Variants in MBNL1 observed in about 807,000 individuals in gnomAD.
MBNL1 encodes the protein muscleblind-like protein 1.
MBNL1 carries 8 observed loss-of-function variants against 42.2 expected under a neutral mutation model. The observed-to-expected ratio is 0.19, with a 90% CI of 0.11 to 0.34. The LOEUF (loss-of-function observed/expected upper bound fraction) is 0.34. MBNL1 is among the 10% of genes least tolerant of loss of function. MBNL1 has a pLI of 1.00. For missense variants in MBNL1, 309 were observed against 495.3 expected (o/e 0.62, Z 3.57); for synonymous variants, 169 against 173.9 (o/e 0.97, Z 0.22).
upstream of MBNL1, chr3:152,263,982 T>C (rs916689602): frequency 1.3e-5 from 2 of 152,206 alleles, no homozygotes; most frequent in Admixed American, 6.5e-5. Flanking sequence ...GAATGCTCTT[T>C]CCCCAGTTAT....
At chr3:152,259,568 C>G (rs1403599999) in intron 2 of MBNL1, among the ~76,000 whole-genome samples, 1 of 152,212 alleles carries the variant, frequency 6.6e-6, no homozygotes, top group Non-Finnish European at 1.5e-5. Flanking sequence ...CTAGCTTTGT[C>G]TGTAGATATC....
At chr3:152,263,370 C>T (rs2288295), upstream of MBNL1, 86,334 of 152,050 alleles carry the variant, frequency 0.57, 25,828 homozygotes, top group South Asian at 0.66. Context: ...GAATTTTCTA[C>T]ATTGTGTTGA....
intron 2 of MBNL1, among the ~76,000 whole-genome samples, chr3:152,368,313 A>G (rs558802041): frequency 1.3e-5 from 2 of 152,194 alleles, no homozygotes; most frequent in Middle Eastern, 6.8e-3. Context: ...CAAAGATGAG[A>G]TAGTTGTAGA....
chr3:152,447,485 T>A (rs1312321640), intron 5 of MBNL1, 135 bp from the exon 6 acceptor site: 2 of 522,550 alleles, frequency 3.8e-6, no homozygotes, highest in Non-Finnish European at 3.4e-6. Context: ...TTCATTGGAT[T>A]TTTTCCCTCG....
In MBNL1 at chr3:152,312,989, T is replaced by C. The variant is rs367722550; in HGVS notation, c.174+12622T>C. ...CATCAAACTAGGATCTTCAGAATAA[T>C]TGCAAAAAGCCACATGAAAAAATGT... On this transcript the variant is annotated intron_variant, in intron 2 of 9. Transcript: ENST00000324210. Among the ~76,000 whole-genome samples the C allele has an allele frequency of 2.9e-4, 44 of 152,246 alleles. No homozygotes were observed. In the East Asian group the frequency reaches 8.1e-3, roughly 28 times the overall value.
chr3:152,457,655 AT>A (rs1244872366), intron 8 of MBNL1: 3 of 154,104 alleles, frequency 1.9e-5, no homozygotes, highest in African/African-American at 7.2e-5. Flanking sequence ...ATTTACAAGA[AT>A]GCTAGATTGT....
intron 2 of MBNL1, among the ~76,000 whole-genome samples, chr3:152,305,329 GCTTAT>G (rs1311691499): frequency 6.6e-6 from 1 of 152,098 alleles, no homozygotes; most frequent in African/African-American, 2.4e-5. Flanking sequence ...AGTTTGGGAA[GCTTAT>G]CTTGTCATTT....
intron 2 of MBNL1, among the ~76,000 whole-genome samples, chr3:152,408,814 G>A (rs1200046151): frequency 6.6e-6 from 1 of 152,058 alleles, no homozygotes; most frequent in Non-Finnish European, 1.5e-5. Flanking sequence ...TGGTTTATCA[G>A]AACTGAGGGT....
intron 2 of MBNL1, among the ~76,000 whole-genome samples, chr3:152,376,765 A>ACT (rs72323969): frequency 2.6e-5 from 4 of 151,326 alleles, no homozygotes; most frequent in Non-Finnish European, 5.9e-5. Flanking sequence ...GGTGCCACGC[A>ACT]CTCTCTCTAT....
chr3:152,391,596 T>C (rs1169672847), intron 2 of MBNL1, among the ~76,000 whole-genome samples: 1 of 152,194 alleles, frequency 6.6e-6, no homozygotes, highest in African/African-American at 2.4e-5. Flanking sequence ...CTGACAGTGT[T>C]GGGGGCTTAA....
At chr3:152,322,346 T>C (rs956516302) in intron 2 of MBNL1, among the ~76,000 whole-genome samples, 1 of 151,964 alleles carries the variant, frequency 6.6e-6, no homozygotes, top group African/African-American at 2.4e-5. Flanking sequence ...CCTTGCCCCA[T>C]CCCCAAGATT....
chr3:152,288,357 C>T (rs2053845814), intron 1 of MBNL1, among the ~76,000 whole-genome samples: 1 of 152,252 alleles, frequency 6.6e-6, no homozygotes, highest in Non-Finnish European at 1.5e-5. Flanking sequence ...ACTCCTGACT[C>T]AGGAATGACT....
At chr3:152,447,822 T>G (rs1176065979) in intron 6 of MBNL1, 49 bp downstream of exon 6, 1 of 1,567,256 alleles carries the variant, frequency 6.4e-7, no homozygotes, top group Non-Finnish European at 8.7e-7. Flanking sequence ...CTACAGAGAG[T>G]CCTACTGTTA....
At chr3:152,390,352 G>A (rs964928097) in intron 2 of MBNL1, among the ~76,000 whole-genome samples, 1 of 151,564 alleles carries the variant, frequency 6.6e-6, no homozygotes, top group East Asian at 1.9e-4. Flanking sequence ...TAATATCAAT[G>A]TCTTCTTCAC....
At chr3:152,270,004 C>G (rs879845243) in intron 1 of MBNL1, among the ~76,000 whole-genome samples, 1 of 148,574 alleles carries the variant, frequency 6.7e-6, no homozygotes, top group Non-Finnish European at 1.5e-5. Context: ...GCCTGTAACA[C>G]GAGCAGGTAT....
At chr3:152,461,026 A>G (rs1259131395) in intron 9 of MBNL1, among the ~76,000 whole-genome samples, 1 of 152,186 alleles carries the variant, frequency 6.6e-6, no homozygotes, top group Non-Finnish European at 1.5e-5. Context: ...TAAACAAATG[A>G]ATGTGGACAA....
At chr3:152,424,223 AGT>A (rs1334883808) in intron 3 of MBNL1, among the ~76,000 whole-genome samples, 1 of 152,226 alleles carries the variant, frequency 6.6e-6, no homozygotes. Context: ...CTACTTCAGC[AGT>A]CTCAGGATAC....
chr3:152,251,666 G>A (rs1019918485), intron 2 of MBNL1, among the ~76,000 whole-genome samples: 14 of 151,740 alleles, frequency 9.2e-5, no homozygotes, highest in Admixed American at 7.9e-4. Flanking sequence ...ATTAGATTAC[G>A]GTTATACACT....
At chr3:152,340,384 C>G (rs941179441) in intron 2 of MBNL1, 2 of 942,014 alleles carry the variant, frequency 2.1e-6, no homozygotes, top group Non-Finnish European at 3.2e-6. Context: ...ATACTTGCCA[C>G]CTCTGTAAGA....
Sources: allele counts gnomAD v4.1 joint callset (sites outside exome capture counted in the v4.1 genomes callset), GRCh38; gene constraint gnomAD v4.1.1; transcripts MANE v1.5; gene names NCBI Gene and HGNC (gene_info 2026-07-23, HGNC 2026-07-21).